Variants in C1orf21 observed in about 807,000 individuals in gnomAD.
The protein encoded by C1orf21 is chromosome 1 open reading frame 21.
In C1orf21, 3 loss-of-function variants were observed where a neutral mutation model predicts 18.7. The observed-to-expected ratio is 0.16, with a 90% CI of 0.07 to 0.42. C1orf21 has a LOEUF of 0.42. C1orf21 is among the 10% of genes least tolerant of loss of function. The probability of loss-of-function intolerance (pLI) is 0.99; values close to 1 mark genes in which losing one functional copy is unlikely to be tolerated. For missense variants in C1orf21, 104 were observed against 143.6 expected (o/e 0.72, Z 1.41); for synonymous variants, 41 against 46.4 (o/e 0.88, Z 0.47).
chr1:184,431,311 G>A (rs901029050), intron 1 of C1orf21, among the ~76,000 whole-genome samples: 40 of 152,086 alleles, frequency 2.6e-4, no homozygotes, highest in African/African-American at 8.9e-4. Context: ...CAGAAATAAC[G>A]CCACACATCT....
Position 184,460,274 on chromosome 1 carries a change from C to T in C1orf21, c.-124-17112C>T, listed in dbSNP as rs117279875. Among the ~76,000 whole-genome samples, 280 of 152,312 alleles carry T rather than the reference C, an allele frequency of 1.8e-3. 5 individuals carry two copies. The East Asian group carries it at 0.041, about 22-fold the overall frequency. ...AATCCCCCAAATCCCAATGTTTGCC[C>T]TGCTCATTTGAGCAACTGCTCCCAT... On this transcript the variant is annotated intron_variant, in intron 1 of 5. Coordinates refer to ENST00000235307, the MANE Select transcript of C1orf21 (RefSeq NM_030806.4).
chr1:184,575,550 C>T (rs1183976397), intron 3 of C1orf21, among the ~76,000 whole-genome samples: 1 of 133,060 alleles, frequency 7.5e-6, no homozygotes, highest in Non-Finnish European at 1.6e-5. Context: ...TAAATGAAAA[C>T]AATCCATTTT....
chr1:184,427,884 T>C (rs1352179412), intron 1 of C1orf21, among the ~76,000 whole-genome samples: 3 of 152,182 alleles, frequency 2.0e-5, no homozygotes, highest in Non-Finnish European at 4.4e-5. Flanking sequence ...TCTTACAGGT[T>C]TGAACGACTC....
intron 2 of C1orf21, among the ~76,000 whole-genome samples, chr1:184,495,658 A>G (rs558357108): frequency 1.3e-5 from 2 of 152,194 alleles, no homozygotes; most frequent in African/African-American, 4.8e-5. Flanking sequence ...GTGGTGGCTC[A>G]TGCGTGTAAT....
rs188126181 is a variant in C1orf21, at chr1:184,391,894, G to T, written c.-125+4526G>T. On this transcript the variant is annotated intron_variant, in intron 1 of 5. Transcript: ENST00000235307. ...GGCTAATTTTTGTATTTTTAGTAGA[G>T]ACAGGGTTTTGCCATGTTGGCCAGG... Among the ~76,000 whole-genome samples the T allele has an allele frequency of 4.3e-3, 658 of 152,184 alleles. 3 individuals carry two copies. The highest frequency in any genetic ancestry group is 4.9e-3 in the Non-Finnish European group (335 of 68,000).
At chr1:184,526,701 G>T (rs967011412) in intron 3 of C1orf21, among the ~76,000 whole-genome samples, 1 of 152,076 alleles carries the variant, frequency 6.6e-6, no homozygotes, top group African/African-American at 2.4e-5. Flanking sequence ...AACACTTACC[G>T]GTAGCCTATT....
At chr1:184,505,639 T>C (rs758140744) in intron 2 of C1orf21, among the ~76,000 whole-genome samples, 4 of 151,798 alleles carry the variant, frequency 2.6e-5, no homozygotes, top group Non-Finnish European at 4.4e-5. Flanking sequence ...AGCAGGCGCC[T>C]GTAATCCCAG....
At chr1:184,611,057 G>T (rs1348090481) in intron 5 of C1orf21, among the ~76,000 whole-genome samples, 1 of 152,070 alleles carries the variant, frequency 6.6e-6, no homozygotes, top group East Asian at 1.9e-4. Context: ...AACAGTCAGA[G>T]GCTGTCACAC....
intron 2 of C1orf21, among the ~76,000 whole-genome samples, chr1:184,488,877 A>G (rs537602841): frequency 6.6e-6 from 1 of 152,278 alleles, no homozygotes; most frequent in South Asian, 2.1e-4. Flanking sequence ...AGGCGGGAGA[A>G]TTGCTTGAAC....
At chr1:184,457,416 A>G (rs1207499614) in intron 1 of C1orf21, among the ~76,000 whole-genome samples, 1 of 152,198 alleles carries the variant, frequency 6.6e-6, no homozygotes. Context: ...GGGAAAAGAC[A>G]TGGATTCCAG....
chr1:184,588,651 A>G (rs1342910745), intron 3 of C1orf21, among the ~76,000 whole-genome samples: 1 of 152,170 alleles, frequency 6.6e-6, no homozygotes, highest in Non-Finnish European at 1.5e-5. Context: ...ATGAGTTAAT[A>G]TATATAAATA....
chr1:184,539,439 A>G (rs2890014), intron 3 of C1orf21, among the ~76,000 whole-genome samples: 91,368 of 152,016 alleles, frequency 0.6, 28,848 homozygotes, highest in African/African-American at 0.82. Flanking sequence ...AGAAATATTG[A>G]TCTATAATTT....
At chr1:184,586,106 T>G (rs1228821423) in intron 3 of C1orf21, among the ~76,000 whole-genome samples, 2 of 152,222 alleles carry the variant, frequency 1.3e-5, no homozygotes, top group African/African-American at 4.8e-5. Context: ...GTCCACAACT[T>G]CAATAGCATC....
At chr1:184,505,653 G>A (rs1446110499) in intron 2 of C1orf21, among the ~76,000 whole-genome samples, 1 of 151,606 alleles carries the variant, frequency 6.6e-6, no homozygotes, top group East Asian at 1.9e-4. Flanking sequence ...ATCCCAGCTA[G>A]TTAGGAGGCT....
rs549223523 is a variant in C1orf21, at chr1:184,623,881, T to G, written c.*4325T>G. The G allele has an allele frequency of 6.6e-6, 1 of 152,610 alleles. No individual in the cohort carries two copies. The highest frequency in any genetic ancestry group is 2.1e-4 in the South Asian group (1 of 4,824). 9.5% of individuals were successfully genotyped at this position (152,610 alleles called of 1,614,324 possible). On this transcript the variant is annotated 3_prime_UTR_variant, in exon 6 of 6. Transcript: ENST00000235307. ...TTAGGACTCACAAGCTATGCCATGT[T>G]TTTCAGGAGACTCTTGTACCTTATC...
chr1:184,399,356 A>ATTTTTT (rs59376994), intron 1 of C1orf21, among the ~76,000 whole-genome samples: 1 of 79,078 alleles, frequency 1.3e-5, no homozygotes, highest in Non-Finnish European at 2.6e-5. Context: ...ATGTACTTCT[A>ATTTTTT]TTTTTTTTTT....
intron 2 of C1orf21, among the ~76,000 whole-genome samples, chr1:184,504,172 C>T (rs937160311): frequency 6.6e-6 from 1 of 152,152 alleles, no homozygotes; most frequent in Non-Finnish European, 1.5e-5. Context: ...CAACTGTTTA[C>T]ATGCAGAGAA....
At chr1:184,393,823 T>G (rs2101953546) in intron 1 of C1orf21, among the ~76,000 whole-genome samples, 1 of 152,372 alleles carries the variant, frequency 6.6e-6, no homozygotes, top group Non-Finnish European at 1.5e-5. Context: ...TAATTTCATC[T>G]TCATTACCTT....
At chr1:184,576,538 G>A (rs984423026) in intron 3 of C1orf21, among the ~76,000 whole-genome samples, 5 of 152,216 alleles carry the variant, frequency 3.3e-5, no homozygotes, top group Admixed American at 2.0e-4. Flanking sequence ...TGGCACTGCC[G>A]TGTGCATTGC....
Sources: allele counts gnomAD v4.1 joint callset (sites outside exome capture counted in the v4.1 genomes callset), GRCh38; gene constraint gnomAD v4.1.1; transcripts MANE v1.5; gene names NCBI Gene and HGNC (gene_info 2026-07-23, HGNC 2026-07-21).